Variants in ZBTB20 observed in about 807,000 individuals in gnomAD.
The protein encoded by ZBTB20 is zinc finger and BTB domain-containing protein 20.
A neutral mutation model predicts 56.9 loss-of-function variants in ZBTB20; 9 were observed. That is an observed-to-expected ratio of 0.16 (90% CI 0.10 to 0.28). The LOEUF is 0.28. Ranked by LOEUF, ZBTB20 falls within the 10% of genes least tolerant of loss-of-function variation. The pLI, the probability that ZBTB20 is intolerant of heterozygous loss-of-function variation, is 1.00. For missense variants in ZBTB20, 655 were observed against 1,003.0 expected (o/e 0.65, Z 4.69); for synonymous variants, 417 against 420.7 (o/e 0.99, Z 0.11).
intron 4 of ZBTB20, among the ~76,000 whole-genome samples, chr3:114,813,620 G>A (rs542301544): frequency 5.9e-5 from 9 of 152,284 alleles, no homozygotes; most frequent in East Asian, 1.9e-4. Flanking sequence ...GCATGGTGGC[G>A]CATACCTGTA....
intron 7 of ZBTB20, among the ~76,000 whole-genome samples, chr3:114,406,177 T>C (rs1462158931): frequency 6.6e-6 from 1 of 152,172 alleles, no homozygotes; most frequent in Admixed American, 6.5e-5. Context: ...CAAAAGCACA[T>C]GTAATGAACT....
At chr3:114,931,355 G>T in intron 3 of ZBTB20, 1 of 238,208 alleles carries the variant, frequency 4.2e-6, no homozygotes, top group Non-Finnish European at 8.4e-6. Flanking sequence ...AATTATCTAT[G>T]TAGACTCCCA....
intron 7 of ZBTB20, among the ~76,000 whole-genome samples, chr3:114,406,262 A>G (rs1275793243): frequency 6.6e-6 from 1 of 152,178 alleles, no homozygotes; most frequent in Admixed American, 6.5e-5. Context: ...CTGTTATTAA[A>G]TATTCTAGCC....
At chr3:114,795,648 C>T (rs530615604) in intron 5 of ZBTB20, among the ~76,000 whole-genome samples, 3 of 152,086 alleles carry the variant, frequency 2.0e-5, no homozygotes, top group Non-Finnish European at 2.9e-5. Context: ...GTCCTGAACA[C>T]CCAAAGGACA....
intron 6 of ZBTB20, among the ~76,000 whole-genome samples, chr3:114,505,783 T>C (rs2044541988): frequency 6.6e-6 from 1 of 152,136 alleles, no homozygotes; most frequent in Admixed American, 6.6e-5. Context: ...GATGAGGCAC[T>C]ATTAGATTTT....
chr3:115,047,839 A>G (rs79577344), intron 2 of ZBTB20, among the ~76,000 whole-genome samples: 3,053 of 152,230 alleles, frequency 0.02, 40 homozygotes, highest in South Asian at 0.032. Context: ...ATTCCACACA[A>G]TGACCTGGAA....
intron 4 of ZBTB20, among the ~76,000 whole-genome samples, chr3:114,821,342 C>T (rs913398918): frequency 6.6e-6 from 1 of 152,116 alleles, no homozygotes; most frequent in Non-Finnish European, 1.5e-5. Flanking sequence ...AACCTTATGA[C>T]ACAGTCCTCA....
chr3:114,548,963 A>G (rs1160039419), intron 6 of ZBTB20, among the ~76,000 whole-genome samples: 4 of 152,244 alleles, frequency 2.6e-5, no homozygotes, highest in Non-Finnish European at 5.9e-5. Flanking sequence ...ACTTCTTCAC[A>G]GTGGTTAAAG....
chr3:114,808,391 G>C (rs920785846), intron 4 of ZBTB20, among the ~76,000 whole-genome samples: 1 of 152,078 alleles, frequency 6.6e-6, no homozygotes, highest in African/African-American at 2.4e-5. Flanking sequence ...TCAGGAATGA[G>C]AGAGAAGGTA....
At chr3:114,657,845 C>T (rs2060497692) in intron 6 of ZBTB20, among the ~76,000 whole-genome samples, 1 of 151,832 alleles carries the variant, frequency 6.6e-6, no homozygotes, top group African/African-American at 2.4e-5. Flanking sequence ...TATTTTTAAC[C>T]CATACCATGG....
In ZBTB20 at chr3:115,095,977, G is replaced by T. The variant is rs189361966; in HGVS notation, c.-702-24563C>A. ...TTTAAGCAATGGAAATGTATGAAATGGGTTTTTCAAGAAAATTACAAGTTT... is the reference window on the plus strand; with the variant it reads ...TTTAAGCAATGGAAATGTATGAAATTGGTTTTTCAAGAAAATTACAAGTTT... On this transcript the variant is annotated intron_variant, in intron 1 of 11. Transcript: ENST00000675478. Among the ~76,000 whole-genome samples the T allele has an allele frequency of 2.5e-3, 381 of 152,248 alleles. 8 individuals are homozygous for T. The highest frequency in any genetic ancestry group is 0.023 in the Admixed American group (355 of 15,278).
rs75985054 is a variant in ZBTB20 at position 114,328,080 on chromosome 3, T to C, written c.*10925A>G. The C allele has an allele frequency of 2.0e-5, 3 of 152,268 alleles. No homozygotes were observed. Among genetic ancestry groups the C allele is most frequent in the African/African-American group, 7.2e-5 (3 of 41,558 alleles). The allele number at this position is 152,268 out of a possible 1,614,324, so 9.4% of individuals were successfully genotyped here. On this transcript the variant is annotated 3_prime_UTR_variant, in exon 12 of 12. Transcript: ENST00000675478. ...AGTGCACTGCATGGCTCTTTAGGTA[T>C]CCATTTAGCTCTGTTATTATTTTAT... is the stretch of plus-strand genomic sequence containing the variant.
At chr3:115,057,085 A>T (rs2081824266) in intron 2 of ZBTB20, among the ~76,000 whole-genome samples, 1 of 152,120 alleles carries the variant, frequency 6.6e-6, no homozygotes, top group Admixed American at 6.5e-5. Context: ...GAGTCAAAAC[A>T]GTTAACCCCT....
intron 5 of ZBTB20, among the ~76,000 whole-genome samples, chr3:114,701,054 A>C (rs148252129): frequency 1.6e-4 from 25 of 152,336 alleles, no homozygotes; most frequent in African/African-American, 5.5e-4. Context: ...CTTAATCTAG[A>C]GTGAGCCAAG....
At chr3:114,598,319 A>G (rs1336575315) in intron 6 of ZBTB20, among the ~76,000 whole-genome samples, 4 of 152,034 alleles carry the variant, frequency 2.6e-5, no homozygotes, top group African/African-American at 7.2e-5. Context: ...TTCCTTCATT[A>G]TATAAGTAAT....
chr3:114,392,500 C>T (rs556282004), intron 7 of ZBTB20, among the ~76,000 whole-genome samples: 24 of 152,216 alleles, frequency 1.6e-4, no homozygotes, highest in Admixed American at 1.3e-3. Flanking sequence ...AGAAATTTCT[C>T]ATGCTTTGGA....
rs2046619518 is a variant in ZBTB20 at position 114,521,362 on chromosome 3, C to G, written c.-294-20971G>C. Among the ~76,000 whole-genome samples the G allele has an allele frequency of 3.9e-5, 6 of 152,090 alleles. No individual in the cohort carries two copies. The South Asian group carries it at 1.2e-3, about 32-fold the overall frequency. ...GAAAATGAGAAATTTTACGTCTATA[C>G]CCTACAAAGGAAAATTTACAATCCA... On this transcript the variant is annotated intron_variant, in intron 6 of 11. Transcript: ENST00000675478.
chr3:114,970,832 G>A (rs542795944), intron 3 of ZBTB20, among the ~76,000 whole-genome samples: 8 of 152,186 alleles, frequency 5.3e-5, no homozygotes, highest in Admixed American at 1.3e-4. Context: ...TGGCTAACGC[G>A]GTGAAACCTC....
At chr3:114,698,829 T>C (rs1439699046) in intron 5 of ZBTB20, among the ~76,000 whole-genome samples, 1 of 152,158 alleles carries the variant, frequency 6.6e-6, no homozygotes, top group Non-Finnish European at 1.5e-5. Context: ...GATGCTTTAA[T>C]GACCCATGGT....
Sources: allele counts gnomAD v4.1 joint callset (sites outside exome capture counted in the v4.1 genomes callset), GRCh38; gene constraint gnomAD v4.1.1; transcripts MANE v1.5; gene names NCBI Gene and HGNC (gene_info 2026-07-23, HGNC 2026-07-21).